KANK1: variants seen among roughly 807,000 people sequenced by gnomAD.
The protein encoded by KANK1 is KN motif and ankyrin repeat domains 1.
In KANK1, 109 loss-of-function variants were observed where a neutral mutation model predicts 106.2. The ratio of observed to expected loss-of-function variants is 1.03; its 90% CI spans 0.88 to 1.20. KANK1 has a LOEUF of 1.20. Ranked by LOEUF, KANK1 falls within the 50% of genes most tolerant of loss-of-function variation. The pLI, the probability that KANK1 is intolerant of heterozygous loss-of-function variation, is 0.00. For synonymous variants in KANK1, 873 were observed against 652.2 expected, an observed-to-expected ratio of 1.34 and a Z score of -5.16; for missense variants, 2,399 against 1,710.7, an observed-to-expected ratio of 1.40 and a Z score of -7.10.
At chr9:684,286 C>G (rs1818127274) in intron 2 of KANK1, 1 of 985,384 alleles carries the variant, frequency 1.0e-6, no homozygotes, top group East Asian at 1.1e-4. Context: ...GAGTACCAGC[C>G]TATTTGAGTG....
At chr9:514,405 C>G (rs935142645) in intron 1 of KANK1, among the ~76,000 whole-genome samples, 4 of 150,048 alleles carry the variant, frequency 2.7e-5, no homozygotes, top group Non-Finnish European at 4.4e-5. Context: ...CAAATACTCC[C>G]TCATCTCCTT....
At chr9:658,122 G>C (rs765562803) in intron 1 of KANK1, among the ~76,000 whole-genome samples, 19 of 152,218 alleles carry the variant, frequency 1.2e-4, no homozygotes, top group Non-Finnish European at 2.1e-4. Context: ...AATCCTCTAT[G>C]TGAAATCTAA....
chr9:712,737 G>C lies in KANK1; in HGVS notation c.1971G>C (p.Gln657His). The stretch of plus-strand genomic sequence containing the variant: ...GCGTGAACACTGAGGCTGTTAGCCA[G>C]GTGGAAGCTGCCGTCATGGCAGTGC... ...SRGVNTEAVS[Q>H]VEAAVMAVPR... The change falls in exon 3 of 12, where the codon CAG becomes CAC. Residue 657 changes from glutamine (Q) to histidine (H), a missense_variant. Coordinates refer to ENST00000382297, the MANE Select transcript of KANK1 (RefSeq NM_015158.5). The C allele has an allele frequency of 1.2e-6, 2 of 1,614,008 alleles. No individual in the cohort carries two copies. Among genetic ancestry groups the C allele is most frequent in the Non-Finnish European group, 1.7e-6 (2 of 1,179,958 alleles).
chr9:740,924 A>G lies in KANK1; in HGVS notation c.3686A>G (p.Lys1229Arg), dbSNP rs1236549603. 6.2e-7 allele frequency: 1 copy of G among 1,614,202 alleles called. No homozygotes were observed. The highest frequency in any genetic ancestry group is 2.2e-5 in the East Asian group (1 of 44,868). Reference sequence around the variant, plus strand: ...TTCGGCTGTGGGGATGTGAATGCCAAAGCTAGTCAGGTTAGTGCGCCTGGT... The same window carrying G: ...TTCGGCTGTGGGGATGTGAATGCCAGAGCTAGTCAGGTTAGTGCGCCTGGT... Reference protein sequence around the residue: ...ELFGCGDVNAKASQAGQTALM... With the variant: ...ELFGCGDVNARASQAGQTALM... Residue 1229 changes from lysine (K) to arginine (R), a missense_variant, in exon 9 of 12, where the codon AAA becomes AGA. Transcript: ENST00000382297.
chr9:493,023 C>T (rs1295635938), intron 3 of KANK1, among the ~76,000 whole-genome samples: 2 of 129,060 alleles, frequency 1.5e-5, no homozygotes, highest in African/African-American at 3.8e-5. Context: ...AACAAAACTC[C>T]GTCTCAAAAA....
intron 8 of KANK1, among the ~76,000 whole-genome samples, chr9:739,323 G>C (rs188398171): frequency 1.3e-5 from 2 of 152,330 alleles, no homozygotes; most frequent in East Asian, 3.9e-4. Context: ...TGAGGATGTA[G>C]TGTGAACCTT....
intron 2 of KANK1, among the ~76,000 whole-genome samples, chr9:706,645 TAAG>T (rs1259355708): frequency 1.3e-5 from 2 of 152,084 alleles, no homozygotes; most frequent in South Asian, 2.1e-4. Context: ...TTTCATTTTT[TAAG>T]AAGAACTTTT....
At chr9:737,653 C>T (rs1039363594) in intron 7 of KANK1, among the ~76,000 whole-genome samples, 1 of 152,132 alleles carries the variant, frequency 6.6e-6, no homozygotes, top group Non-Finnish European at 1.5e-5. Flanking sequence ...TTTTATTTTC[C>T]CTTTCCGTGG....
At chr9:503,232 C>T (rs2058599118), upstream of KANK1, among the ~76,000 whole-genome samples, 1 of 151,944 alleles carries the variant, frequency 6.6e-6, no homozygotes. Context: ...GAAGAGTAGA[C>T]ATTTGGGGCG....
chr9:679,101 C>T (rs1228520601), intron 2 of KANK1, among the ~76,000 whole-genome samples: 6 of 152,122 alleles, frequency 3.9e-5, no homozygotes, highest in Non-Finnish European at 2.9e-5. Context: ...CCTAACAGGT[C>T]TGGGCATTGA....
At chr9:489,729 CTAT>C (rs1191150230) in intron 3 of KANK1, among the ~76,000 whole-genome samples, 19 of 152,160 alleles carry the variant, frequency 1.2e-4, no homozygotes, top group Non-Finnish European at 2.6e-4. Flanking sequence ...TAAAGCTTAG[CTAT>C]TATTACTATT....
chr9:528,247 C>G lies in KANK1; in HGVS notation c.-84+23493C>G, dbSNP rs550535818. Reference sequence around the variant, plus strand: ...CACAATGGCCTTCTCAAACTGGGAACTTAATGTTTTTCAATTATTGGAACA... The same window carrying G: ...CACAATGGCCTTCTCAAACTGGGAAGTTAATGTTTTTCAATTATTGGAACA... On this transcript the variant is annotated intron_variant, in intron 1 of 11. Coordinates refer to ENST00000382297, the MANE Select transcript of KANK1 (RefSeq NM_015158.5). 2.0e-5 allele frequency among the ~76,000 whole-genome samples: 3 copies of G among 151,866 alleles called. No homozygotes were observed. In the South Asian group the frequency reaches 6.2e-4, roughly 32 times the overall value.
At chr9:707,403 C>T (rs866099597) in intron 2 of KANK1, among the ~76,000 whole-genome samples, 1 of 152,282 alleles carries the variant, frequency 6.6e-6, no homozygotes, top group South Asian at 2.1e-4. Flanking sequence ...CTCCCACACA[C>T]ACATCCCGGG....
At chr9:649,755 C>G (rs1303613087) in intron 1 of KANK1, among the ~76,000 whole-genome samples, 1 of 152,108 alleles carries the variant, frequency 6.6e-6, no homozygotes, top group East Asian at 1.9e-4. Context: ...TGGTACTGAT[C>G]TCGTTTTTGA....
Position 732,503 on chromosome 9 carries a change from G to A in KANK1, c.3131G>A (p.Arg1044Gln), listed in dbSNP as rs751756062. ...EEEEEEDEDTRGMAEGHHAVN... is the reference protein window; with the variant it reads ...EEEEEEDEDTQGMAEGHHAVN... ...GAGGAGGAGGAGGATGAAGACACTC[G>A]GGGAATGGCAGAAGGGCACCATGCA... The change falls in exon 6 of 12, where the codon CGG becomes CAG. Residue 1044 changes from arginine to glutamine, a missense_variant. Arg to Gln is a conservative substitution (Grantham distance 43, BLOSUM62 1). Transcript: ENST00000382297. The A allele has an allele frequency of 1.4e-5, 23 of 1,613,980 alleles. No individual in the cohort carries two copies. The highest frequency in any genetic ancestry group is 1.6e-4 in the Middle Eastern group (1 of 6,084).
At chr9:472,447 AG>A in intron 2 of KANK1, among the ~76,000 whole-genome samples, 1 of 130,304 alleles carries the variant, frequency 7.7e-6, no homozygotes, top group African/African-American at 4.8e-5. Context: ...CTCAGGACCC[AG>A]TTGCTGACCC....
chr9:583,201 T>A (rs1822608400), intron 1 of KANK1, among the ~76,000 whole-genome samples: 1 of 152,150 alleles, frequency 6.6e-6, no homozygotes, highest in Non-Finnish European at 1.5e-5. Flanking sequence ...CAAGTCTTTT[T>A]TAGGATCAAT....
chr9:620,322 C>A (rs1267151440), intron 1 of KANK1, among the ~76,000 whole-genome samples: 1 of 152,116 alleles, frequency 6.6e-6, no homozygotes, highest in Non-Finnish European at 1.5e-5. Context: ...CAACGATCTG[C>A]CCCCTAAATA....
At chr9:646,888 G>A (rs1839792055) in intron 1 of KANK1, among the ~76,000 whole-genome samples, 1 of 150,612 alleles carries the variant, frequency 6.6e-6, no homozygotes, top group Non-Finnish European at 1.5e-5. Context: ...AGTAGAGACA[G>A]GGTTTCACCA....
Sources: allele counts gnomAD v4.1 joint callset (sites outside exome capture counted in the v4.1 genomes callset), GRCh38; gene constraint gnomAD v4.1.1; transcripts MANE v1.5; gene names NCBI Gene and HGNC (gene_info 2026-07-23, HGNC 2026-07-21).